Variants in DBH observed in about 807,000 individuals in gnomAD.
DBH encodes the protein dopamine beta-hydroxylase.
DBH carries 49 observed loss-of-function variants against 64.0 expected under a neutral mutation model. That is an observed-to-expected ratio of 0.77 (90% CI 0.61 to 0.97). The LOEUF is 0.97. DBH is among the 50% of genes least tolerant of loss of function. The probability of loss-of-function intolerance (pLI) is 0.00; values close to 1 mark genes in which losing one functional copy is unlikely to be tolerated. For missense variants in DBH, 828 were observed against 826.6 expected (o/e 1.00, Z -0.02); for synonymous variants, 343 against 347.1 (o/e 0.99, Z 0.13).
In DBH at chr9:133,642,504, G is replaced by A. The variant is rs1433931129; in HGVS notation, c.744+40G>A. 9 of 1,570,450 alleles carry A rather than the reference G, an allele frequency of 5.7e-6. 1 individual carries two copies. The South Asian group carries it at 9.3e-5, about 16-fold the overall frequency. On this transcript the variant is annotated intron_variant, in intron 3 of 11. Transcript: ENST00000393056. ...AGGGCCGAGGTCCTCGCCCAGCCCT[G>A]CCTTCCTCCCGGGCCTGGGTTGTCC... is the stretch of plus-strand genomic sequence containing the variant.
chr9:133,647,509 C>T (rs977256380), intron 5 of DBH, among the ~76,000 whole-genome samples: 7 of 152,238 alleles, frequency 4.6e-5, no homozygotes, highest in Non-Finnish European at 8.8e-5. Context: ...CTATCAGCAG[C>T]ATCTCACCCG....
intron 7 of DBH, 105 bp downstream of exon 7, chr9:133,651,882 T>G (rs1028006192): frequency 4.8e-6 from 6 of 1,257,294 alleles, no homozygotes; most frequent in South Asian, 3.9e-5. Flanking sequence ...CAGGCTGGCT[T>G]CTTTTTCCTG....
In DBH at chr9:133,651,767, C is replaced by T. The variant is rs1369582075; in HGVS notation, c.1325C>T (p.Pro442Leu). ...GTGAACCAGGACAATCACTACAGCC[C>T]TCACTTCCAGGTAGGAACCTGCACC... ...EIVNQDNHYSPHFQEIRMLKK... is the reference protein window; with the variant it reads ...EIVNQDNHYSLHFQEIRMLKK... Residue 442 changes from proline (P) to leucine (L), a missense_variant, in exon 7 of 12, where the codon CCT becomes CTT. Physicochemically the swap from Pro to Leu is moderately conservative, Grantham distance 98. Coordinates refer to ENST00000393056, the MANE Select transcript of DBH (RefSeq NM_000787.4). 6.2e-7 allele frequency: 1 copy of T among 1,604,372 alleles called. No individual in the cohort carries two copies. The highest frequency in any genetic ancestry group is 8.5e-7 in the Non-Finnish European group (1 of 1,176,036).
rs1832369262 is a variant in DBH, at chr9:133,658,686, C to T, written c.*239C>T. On this transcript the variant is annotated 3_prime_UTR_variant, in exon 12 of 12. Coordinates refer to ENST00000393056, the MANE Select transcript of DBH (RefSeq NM_000787.4). ...CCCTGGACCGAGTGGACCACGACCTCGTCCATTTAAACCCGGCTGACTCAG... is the reference window on the plus strand; with the variant it reads ...CCCTGGACCGAGTGGACCACGACCTTGTCCATTTAAACCCGGCTGACTCAG... 4.7e-6 allele frequency: 2 copies of T among 422,264 alleles called. No homozygotes were observed. The highest frequency in any genetic ancestry group is 4.2e-5 in the Admixed American group (1 of 23,616). The allele number at this position is 422,264 out of a possible 1,614,324, so 26.2% of individuals were successfully genotyped here.
chr9:133,652,204 TG>T, intron 7 of DBH, 41 bp from the exon 8 acceptor site: 1 of 1,612,712 alleles, frequency 6.2e-7, no homozygotes, highest in Non-Finnish European at 8.5e-7. Flanking sequence ...TGCAGCTCTC[TG>T]AGGTCTCCTC....
intron 8 of DBH, 140 bp from the exon 9 acceptor site, chr9:133,652,800 G>C (rs1182174472): frequency 4.3e-6 from 3 of 702,072 alleles, no homozygotes; most frequent in Non-Finnish European, 7.8e-6. Flanking sequence ...GAATCTGCTG[G>C]GCTCCTTGTA....
At chr9:133,642,160 C>G in intron 2 of DBH, 47 bp from the exon 3 acceptor site, 1 of 1,607,988 alleles carries the variant, frequency 6.2e-7, no homozygotes, top group Non-Finnish European at 8.5e-7. Context: ...GAGCCCAACT[C>G]TGGGGGCTCT....
chr9:133,657,399 AGAGAGAGAGGAGAGAGGAGAGAGAG>A lies in DBH; in HGVS notation c.1722+187_1722+211del, dbSNP rs879924018. On this transcript the variant is annotated intron_variant, in intron 11 of 11. Transcript: ENST00000393056. ...AGGCCTAGACAGCCAGCCAGCCAGC[AGAGAGAGAGGAGAGAGGAGAGAGAG>A]GAGAGAGAGGAGAGAGAGGAGAGAG... 333 of 534,250 alleles carry A rather than the reference AGAGAGAGAGGAGAGAGGAGAGAGAG, an allele frequency of 6.2e-4. 5 individuals are homozygous for A. The highest frequency in any genetic ancestry group is 4.4e-3 in the Middle Eastern group (8 of 1,814). The allele number at this position is 534,250 out of a possible 1,614,324, so 33.1% of individuals were successfully genotyped here.
At chr9:133,637,734 C>G (rs1000317972) in intron 1 of DBH, among the ~76,000 whole-genome samples, 5 of 152,206 alleles carry the variant, frequency 3.3e-5, no homozygotes, top group Non-Finnish European at 7.4e-5. Flanking sequence ...GCTGCTGTTT[C>G]TGGAGCTGAG....
chr9:133,654,141 G>A (rs368496237), intron 9 of DBH, among the ~76,000 whole-genome samples: 17 of 132,948 alleles, frequency 1.3e-4, no homozygotes, highest in African/African-American at 4.7e-4. Flanking sequence ...TTGAGACGGA[G>A]TCTCGCTCTG....
At chr9:133,639,810 T>G in intron 1 of DBH, 36 bp from the exon 2 acceptor site, 1 of 1,598,756 alleles carries the variant, frequency 6.3e-7, no homozygotes, top group South Asian at 1.1e-5. Context: ...CCGGCTTGGC[T>G]CCTTCATGCC....
Position 133,643,430 on chromosome 9 carries a change from C to T in DBH, c.762C>T (p.Thr254=). 2 of 1,613,950 alleles carry T rather than the reference C, an allele frequency of 1.2e-6. No homozygotes were observed. The highest frequency in any genetic ancestry group is 1.7e-6 in the Non-Finnish European group (2 of 1,180,016). Residue 254 remains threonine, a synonymous_variant, in exon 4 of 12, where the codon ACC becomes ACT. Coordinates refer to ENST00000393056, the MANE Select transcript of DBH (RefSeq NM_000787.4). This position sits in a 1 kb window ranked among gnomAD's most constrained non-coding sequence, Gnocchi z 5.3. ...CCTCACAGTACGAGCCCATCGTCAC[C>T]AAGGGCAATGAGGCCCTTGTCCACC... ...HHIIKYEPIV[T]KGNEALVHHM... is the part of the protein sequence containing the mutation.
intron 7 of DBH, 31 bp from the exon 8 acceptor site, chr9:133,652,215 C>T (rs768012242): frequency 2.5e-6 from 4 of 1,613,500 alleles, no homozygotes; most frequent in East Asian, 4.5e-5. Flanking sequence ...GAGGTCTCCT[C>T]TCCCCCACCC....
intron 2 of DBH, among the ~76,000 whole-genome samples, chr9:133,641,597 T>G (rs951464456): frequency 5.9e-5 from 9 of 152,226 alleles, no homozygotes; most frequent in Non-Finnish European, 1.2e-4. Context: ...CGATCCCCGT[T>G]TCCATTCATG....
chr9:133,646,857 C>T (rs1041652692), intron 5 of DBH, among the ~76,000 whole-genome samples: 2 of 152,172 alleles, frequency 1.3e-5, no homozygotes, highest in African/African-American at 4.8e-5. Flanking sequence ...TTCATGTGAC[C>T]ACTGGGAGGC....
intron 1 of DBH, 150 bp downstream of exon 1, chr9:133,636,860 C>T: frequency 2.5e-6 from 2 of 796,042 alleles, no homozygotes; most frequent in Non-Finnish European, 2.1e-6. Context: ...AAGTCTGCAC[C>T]CCGAGCTTGG....
At chr9:133,636,837 T>A in intron 1 of DBH, 127 bp downstream of exon 1, 1 of 934,274 alleles carries the variant, frequency 1.1e-6, no homozygotes, top group Admixed American at 2.0e-5. Flanking sequence ...TTGAGTTGAC[T>A]CTGCTCTGAG....
At chr9:133,651,870 T>A in intron 7 of DBH, 93 bp downstream of exon 7, 8 of 1,320,908 alleles carry the variant, frequency 6.1e-6, no homozygotes, top group Non-Finnish European at 8.4e-6. Flanking sequence ...TAGGGATGGC[T>A]CCAGGCTGGC....
rs764843662 is a variant in DBH at position 133,657,061 on chromosome 9, C to T, written c.1563-9C>T. 1.9e-6 allele frequency: 3 copies of T among 1,613,608 alleles called. No individual in the cohort carries two copies. The highest frequency in any genetic ancestry group is 1.3e-5 in the African/African-American group (1 of 74,910). On this transcript the variant is annotated splice_polypyrimidine_tract_variant and intron_variant, in intron 10 of 11. Coordinates refer to ENST00000393056, the MANE Select transcript of DBH (RefSeq NM_000787.4). ...GCTCCCCAGCCTGGCTGTTCCTTGT[C>T]CCCACCAGGTTCAACAACGAGGATG...
Sources: gnomAD v4.1 joint callset for allele counts (sites outside exome capture counted in the v4.1 genomes callset) on GRCh38, gnomAD v4.1.1 for gene constraint, Gnocchi (gnomAD v3.1) non-coding constraint, MANE v1.5 for transcripts, NCBI Gene and HGNC (gene_info 2026-07-23, HGNC 2026-07-21) for gene names.